CEP350: variants seen among roughly 807,000 people sequenced by gnomAD.
The protein encoded by CEP350 is centrosomal protein 350, also known as centrosome-associated protein 350.
CEP350 carries 126 observed loss-of-function variants against 331.8 expected under a neutral mutation model. The ratio of observed to expected loss-of-function variants is 0.38; its 90% CI spans 0.33 to 0.44. The LOEUF is 0.44. Among genes scored for constraint, CEP350 ranks in the 20% least tolerant of loss-of-function variants. The probability of loss-of-function intolerance (pLI) is 1.00; values close to 1 mark genes in which losing one functional copy is unlikely to be tolerated. For synonymous variants in CEP350, 1,200 were observed against 1,259.5 expected (o/e 0.95, Z 1.00); for missense variants, 3,406 against 3,634.6 (o/e 0.94, Z 1.62).
intron 37 of CEP350, 43 bp from the exon 38 acceptor site, chr1:180,110,954 G>A (rs773316093): frequency 4.5e-6 from 7 of 1,551,536 alleles, no homozygotes; most frequent in Non-Finnish European, 6.2e-6. Flanking sequence ...TCTAGCTTTT[G>A]TATGACAGGA....
Position 180,034,211 on chromosome 1 carries a change from G to A in CEP350, c.3946+129G>A, listed in dbSNP as rs1656202965. 11 of 1,206,268 alleles carry A rather than the reference G, an allele frequency of 9.1e-6. No homozygotes were observed. In the East Asian group the frequency reaches 2.8e-4, roughly 31 times the overall value. The allele number at this position is 1,206,268 out of a possible 1,614,324, so 74.7% of individuals were successfully genotyped here. A position where few individuals can be genotyped will look rare whatever the true frequency, so the allele number is the denominator to read the frequency against. On this transcript the variant is annotated intron_variant, in intron 16 of 37. Coordinates refer to ENST00000367607, the MANE Select transcript of CEP350 (RefSeq NM_014810.5). ...TCAAGTGAATATGATTACTTTTCAA[G>A]TATTAAAAACTGCAAGAAATTAAAT...
At chr1:179,969,241 C>T (rs1475599289) in intron 1 of CEP350, 58 of 513,116 alleles carry the variant, frequency 1.1e-4, no homozygotes, top group Non-Finnish European at 1.4e-4. Flanking sequence ...ATCTCTACTT[C>T]TACAGAGATC....
intron 22 of CEP350, among the ~76,000 whole-genome samples, chr1:180,049,543 CT>C (rs34061683): frequency 0.32 from 41,178 of 130,006 alleles, 5,667 homozygotes; most frequent in African/African-American, 0.43. Flanking sequence ...TTACTTACAC[CT>C]TTTTTTTTTT....
chr1:179,991,008 G>GTAGA (rs141423145), intron 4 of CEP350, among the ~76,000 whole-genome samples: 4,271 of 152,090 alleles, frequency 0.028, 208 homozygotes, highest in African/African-American at 0.098. Context: ...TTCAGTAACC[G>GTAGA]TAGATGGTGT....
At chr1:180,025,164 T>C (rs1655588600) in intron 14 of CEP350, among the ~76,000 whole-genome samples, 1 of 152,130 alleles carries the variant, frequency 6.6e-6, no homozygotes, top group South Asian at 2.1e-4. Flanking sequence ...GACCTCGTGA[T>C]CCACCCGCCT....
chr1:180,030,399 A>G (rs1395701210), intron 14 of CEP350, among the ~76,000 whole-genome samples: 4 of 150,042 alleles, frequency 2.7e-5, no homozygotes, highest in African/African-American at 9.7e-5. Flanking sequence ...AATTTGGGCC[A>G]CTATTAAAAT....
At chr1:180,041,885 T>C in intron 19 of CEP350, 83 bp downstream of exon 19, 1 of 1,287,672 alleles carries the variant, frequency 7.8e-7, no homozygotes, top group South Asian at 1.4e-5. Flanking sequence ...GGGTTTCTAA[T>C]ATCTTAGTAA....
At position 179,955,148 on chromosome 1, in the gene CEP350, C is replaced by A; in HGVS notation, c.-14+6C>A. On this transcript the variant is annotated splice_donor_region_variant and intron_variant, in intron 1 of 37. Coordinates refer to ENST00000367607, the MANE Select transcript of CEP350 (RefSeq NM_014810.5). Reference sequence around the variant, plus strand: ...GGCGGAGGCGACACTCTCAGGTGAGCTCCTGTAGGACCTGGCTGGGACCGC... The same window carrying A: ...GGCGGAGGCGACACTCTCAGGTGAGATCCTGTAGGACCTGGCTGGGACCGC... 6.9e-7 allele frequency: 1 copy of A among 1,450,268 alleles called. No homozygotes were observed. Among genetic ancestry groups the A allele is most frequent in the Admixed American group, 2.2e-5 (1 of 44,584 alleles). The allele number at this position is 1,450,268 out of a possible 1,614,324, so 89.8% of individuals were successfully genotyped here.
Position 179,961,048 on chromosome 1 carries a change from A to G in CEP350, c.-14+5906A>G, listed in dbSNP as rs186127107. Among the ~76,000 whole-genome samples the G allele has an allele frequency of 6.6e-5, 10 of 152,314 alleles. No individual in the cohort carries two copies. In the East Asian group the frequency reaches 1.9e-3, roughly 29 times the overall value. ...TCCCAAAGGTTGATTTTTTACATTT[A>G]TCTTTATTTTTTATTTTTTTAAATA... On this transcript the variant is annotated intron_variant, in intron 1 of 37. Coordinates refer to ENST00000367607, the MANE Select transcript of CEP350 (RefSeq NM_014810.5).
At chr1:179,968,808 C>G in intron 1 of CEP350, 1 of 695,062 alleles carries the variant, frequency 1.4e-6, no homozygotes, top group Non-Finnish European at 2.7e-6. Flanking sequence ...TGAAGAGGAC[C>G]TGAAAGAAGC....
chr1:179,996,436 G>T, intron 5 of CEP350, 117 bp from the exon 6 acceptor site: 1 of 695,430 alleles, frequency 1.4e-6, no homozygotes, highest in South Asian at 2.0e-5. Flanking sequence ...TATTTAACAT[G>T]TATTACCTCA....
intron 32 of CEP350, among the ~76,000 whole-genome samples, 157 bp from the exon 33 acceptor site, chr1:180,090,545 CAAAAAAAAAAAA>C (rs36128628): frequency 1.2e-4 from 9 of 77,364 alleles, no homozygotes; most frequent in African/African-American, 3.8e-4. Flanking sequence ...GACTCCGTCT[CAAAAAAAAAAAA>C]AAAAAAAAAA....
In CEP350 at chr1:179,992,208, T is replaced by G; in HGVS notation, c.382T>G (p.Leu128Val). The change falls in exon 5 of 38, where the codon TTG becomes GTG. Residue 128 changes from leucine to valine, a missense_variant. This residue lies in a region of CEP350 where 1,857 missense variants were observed against 1,909.2 expected (regional missense o/e 0.97). Coordinates refer to ENST00000367607, the MANE Select transcript of CEP350 (RefSeq NM_014810.5). ...TAATCGTGTGGAATTTCGTGAACCT[T>G]TGGTTTCTTATAGGTTAGTATTGAG... The part of the protein sequence containing the change: ...KNNRVEFREP[L>V]VSYREIHGAP... 1 of 1,506,204 alleles carries G rather than the reference T, an allele frequency of 6.6e-7. No homozygotes were observed. Among genetic ancestry groups the G allele is most frequent in the Non-Finnish European group, 8.8e-7 (1 of 1,134,406 alleles). The allele number at this position is 1,506,204 out of a possible 1,614,324, so 93.3% of individuals were successfully genotyped here.
intron 32 of CEP350, among the ~76,000 whole-genome samples, chr1:180,090,273 G>A (rs1457983308): frequency 1.3e-5 from 2 of 151,992 alleles, no homozygotes; most frequent in South Asian, 2.1e-4. Context: ...GAGGCCGGGC[G>A]CGGTGGCTCA....
At chr1:179,973,508 C>CT (rs919923090) in intron 1 of CEP350, among the ~76,000 whole-genome samples, 2 of 151,886 alleles carry the variant, frequency 1.3e-5, no homozygotes, top group Non-Finnish European at 2.9e-5. Flanking sequence ...ATTTCTTATA[C>CT]TTTTTTTTAG....
chr1:180,059,379 A>G (rs1658058205), intron 25 of CEP350, among the ~76,000 whole-genome samples: 1 of 152,230 alleles, frequency 6.6e-6, no homozygotes, highest in African/African-American at 2.4e-5. Flanking sequence ...CAGTGGCACC[A>G]AACTGTATTG....
chr1:179,956,929 T>C (rs1571764779), intron 1 of CEP350, among the ~76,000 whole-genome samples: 2 of 152,254 alleles, frequency 1.3e-5, no homozygotes, highest in East Asian at 3.9e-4. Context: ...GGTGTTATTT[T>C]AAAATATTAA....
intron 27 of CEP350, among the ~76,000 whole-genome samples, chr1:180,070,919 G>T (rs1159769678): frequency 6.6e-6 from 1 of 152,126 alleles, no homozygotes; most frequent in East Asian, 1.9e-4. Context: ...GGAGGCCGAG[G>T]TGGGCAGAAC....
intron 25 of CEP350, among the ~76,000 whole-genome samples, chr1:180,056,467 C>A (rs1657849572): frequency 1.4e-5 from 1 of 69,870 alleles, no homozygotes. Context: ...TCTGCCCCTC[C>A]CCCCCCCCCT....
Sources: gnomAD v4.1 joint callset for allele counts (sites outside exome capture counted in the v4.1 genomes callset) on GRCh38, gnomAD v4.1.1 for gene constraint, gnomAD v4.1.1 regional missense constraint, MANE v1.5 for transcripts, NCBI Gene and HGNC (gene_info 2026-07-23, HGNC 2026-07-21) for gene names.